RRAGD: variants seen among roughly 807,000 people sequenced by gnomAD.
RRAGD encodes the protein Ras related GTP binding D, also known as ras-related GTP-binding protein D.
RRAGD carries 12 observed loss-of-function variants against 35.5 expected under a neutral mutation model. The ratio of observed to expected loss-of-function variants is 0.34; its 90% confidence interval spans 0.22 to 0.55. RRAGD has a LOEUF of 0.55. Ranked by LOEUF, RRAGD falls within the 20% of genes least tolerant of loss-of-function variation. The pLI, the probability that RRAGD is intolerant of heterozygous loss-of-function variation, is 0.91. For missense variants in RRAGD, 324 were observed against 490.1 expected (o/e 0.66, Z 3.20); for synonymous variants, 155 against 178.9 (o/e 0.87, Z 1.07).
At position 89,380,335 on chromosome 6, in the gene RRAGD, G is replaced by A; in HGVS notation, c.477C>T (p.His159=). 3 of 1,614,242 alleles carry A rather than the reference G, an allele frequency of 1.9e-6. No homozygotes were observed. Among genetic ancestry groups the A allele is most frequent in the South Asian group, 1.1e-5 (1 of 91,086 alleles). The change falls in exon 3 of 7, where the codon CAC becomes CAT. Residue 159 remains histidine (H), a synonymous_variant. Coordinates refer to ENST00000369415, the MANE Select transcript of RRAGD (RefSeq NM_021244.5). ...CTTTGTAGGCCCTGGTCACCGTGAG[G>A]TGGAGCCTGGCCAGGGCTTCCATGT... The part of the protein sequence containing the change: ...DDYMEALARL[H]LTVTRAYKVN...
chr6:89,400,041 C>T (rs967775649), intron 1 of RRAGD, among the ~76,000 whole-genome samples: 1 of 152,160 alleles, frequency 6.6e-6, no homozygotes, highest in Non-Finnish European at 1.5e-5. Context: ...GAACCTTCAC[C>T]ACCAATCAGC....
chr6:89,372,063 G>A (rs1768861638), intron 6 of RRAGD, among the ~76,000 whole-genome samples: 1 of 152,170 alleles, frequency 6.6e-6, no homozygotes, highest in African/African-American at 2.4e-5. Flanking sequence ...GGAGCAAAGT[G>A]GAGACCTCCA....
intron 6 of RRAGD, among the ~76,000 whole-genome samples, chr6:89,369,301 G>A (rs1357172541): frequency 6.6e-6 from 1 of 152,126 alleles, no homozygotes; most frequent in Non-Finnish European, 1.5e-5. Flanking sequence ...AGGAGCAAAG[G>A]AACGATTTTT....
chr6:89,369,779 G>A (rs147063487), intron 6 of RRAGD, among the ~76,000 whole-genome samples: 3 of 152,208 alleles, frequency 2.0e-5, no homozygotes, highest in Non-Finnish European at 2.9e-5. Flanking sequence ...TGCTGTGTTT[G>A]GAATTTTAAG....
At chr6:89,378,328 C>T (rs1210252633) in intron 4 of RRAGD, among the ~76,000 whole-genome samples, 1 of 151,804 alleles carries the variant, frequency 6.6e-6, no homozygotes, top group African/African-American at 2.4e-5. Flanking sequence ...ATTCGAATGA[C>T]CACAAATTAT....
intron 1 of RRAGD, among the ~76,000 whole-genome samples, chr6:89,394,888 C>T (rs958576318): frequency 1.6e-4 from 25 of 151,936 alleles, no homozygotes; most frequent in African/African-American, 6.0e-4. Flanking sequence ...TATTCACATA[C>T]ATATATAATT....
intron 1 of RRAGD, among the ~76,000 whole-genome samples, chr6:89,401,503 G>A (rs1169093859): frequency 6.6e-6 from 1 of 152,094 alleles, no homozygotes; most frequent in Non-Finnish European, 1.5e-5. Flanking sequence ...TGATCCATCT[G>A]CCTCAGCCTC....
At chr6:89,400,526 T>C (rs2127896314) in intron 1 of RRAGD, among the ~76,000 whole-genome samples, 1 of 151,232 alleles carries the variant, frequency 6.6e-6, no homozygotes, top group Non-Finnish European at 1.5e-5. Flanking sequence ...CTTAAGAACC[T>C]CATAGAGCCT....
chr6:89,386,179 G>A (rs1043319319), intron 2 of RRAGD, among the ~76,000 whole-genome samples: 1 of 152,212 alleles, frequency 6.6e-6, no homozygotes, highest in Non-Finnish European at 1.5e-5. Context: ...GGAGCCCTTG[G>A]GGAGCCTTCA....
intron 1 of RRAGD, among the ~76,000 whole-genome samples, chr6:89,402,761 G>A (rs1479137911): frequency 6.6e-6 from 1 of 152,220 alleles, no homozygotes; most frequent in East Asian, 1.9e-4. Flanking sequence ...AGGGAATGAA[G>A]GCTGCTGAGC....
At chr6:89,400,750 C>T (rs1769444154) in intron 1 of RRAGD, among the ~76,000 whole-genome samples, 1 of 152,146 alleles carries the variant, frequency 6.6e-6, no homozygotes, top group Non-Finnish European at 1.5e-5. Context: ...CCACCAACAC[C>T]TCCCTAGGCA....
chr6:89,402,037 G>GTTTTTTTTTTTTTT (rs1194197994), intron 1 of RRAGD, among the ~76,000 whole-genome samples: 2 of 52,314 alleles, frequency 3.8e-5, no homozygotes, highest in Admixed American at 1.5e-4. Context: ...AAATCCTAAG[G>GTTTTTTTTTTTTTT]ATTTTTTTTT....
At chr6:89,400,862 G>A (rs1769445763) in intron 1 of RRAGD, among the ~76,000 whole-genome samples, 1 of 152,196 alleles carries the variant, frequency 6.6e-6, no homozygotes, top group Non-Finnish European at 1.5e-5. Flanking sequence ...ATCCGCTACA[G>A]GAGGGCTCCC....
chr6:89,372,694 GT>G, intron 5 of RRAGD, 109 bp from the exon 6 acceptor site: 2 of 1,134,218 alleles, frequency 1.8e-6, no homozygotes, highest in Non-Finnish European at 2.5e-6. Flanking sequence ...ATCATAAGTT[GT>G]TTACACTTGC....
rs1364325068 is a variant in RRAGD, at chr6:89,367,498, G to A, written c.*558C>T. On this transcript the variant is annotated 3_prime_UTR_variant, in exon 7 of 7. Transcript: ENST00000369415. ...CTGTTTACACCCATTATAAATAGGGGACAGTTCTTATTGCTCCTGGAGCTT... is the reference window on the plus strand; with the variant it reads ...CTGTTTACACCCATTATAAATAGGGAACAGTTCTTATTGCTCCTGGAGCTT... The A allele has an allele frequency of 6.6e-6, 1 of 152,192 alleles. No individual in the cohort carries two copies. Among genetic ancestry groups the A allele is most frequent in the East Asian group, 1.9e-4 (1 of 5,202 alleles). 9.4% of individuals were successfully genotyped at this position (152,192 alleles called of 1,614,324 possible).
intron 1 of RRAGD, among the ~76,000 whole-genome samples, chr6:89,389,000 C>T (rs1371361617): frequency 2.0e-5 from 3 of 152,164 alleles, no homozygotes; most frequent in Non-Finnish European, 4.4e-5. Flanking sequence ...GGCAGTAATG[C>T]GAGCAATGGG....
chr6:89,407,433 T>C (rs2127899542), intron 1 of RRAGD, among the ~76,000 whole-genome samples: 1 of 151,874 alleles, frequency 6.6e-6, no homozygotes, highest in South Asian at 2.1e-4. Flanking sequence ...AGGTCAGGAG[T>C]TTAAGACCAG....
chr6:89,398,619 A>G (rs944829560), intron 1 of RRAGD, among the ~76,000 whole-genome samples: 4 of 152,274 alleles, frequency 2.6e-5, no homozygotes, highest in Non-Finnish European at 5.9e-5. Flanking sequence ...CCTTACATGG[A>G]ACAGGAAAAT....
At chr6:89,374,920 C>T (rs1582504986) in intron 5 of RRAGD, among the ~76,000 whole-genome samples, 1 of 152,162 alleles carries the variant, frequency 6.6e-6, no homozygotes, top group East Asian at 1.9e-4. Context: ...GGCTCAATCT[C>T]TCTTGCTTAT....
Sources: gnomAD v4.1 joint callset for allele counts (sites outside exome capture counted in the v4.1 genomes callset) on GRCh38, gnomAD v4.1.1 for gene constraint, MANE v1.5 for transcripts, NCBI Gene and HGNC (gene_info 2026-07-23, HGNC 2026-07-21) for gene names.